OS9: variants seen among roughly 807,000 people sequenced by gnomAD.
OS9 encodes the protein OS9 endoplasmic reticulum lectin.
A neutral mutation model predicts 84.7 loss-of-function variants in OS9; 58 were observed. The observed-to-expected ratio is 0.68, with a 90% CI of 0.55 to 0.85. The LOEUF (loss-of-function observed/expected upper bound fraction) is 0.85. Among genes scored for constraint, OS9 ranks in the 40% least tolerant of loss-of-function variants. OS9 has a pLI of 0.00. For synonymous variants in OS9, 278 were observed against 320.8 expected, an observed-to-expected ratio of 0.87 and a Z score of 1.43; for missense variants, 760 against 850.9, an observed-to-expected ratio of 0.89 and a Z score of 1.33.
Position 57,694,182 on chromosome 12 carries a change from G to T in OS9, c.21G>T (p.Leu7=). 6.2e-7 allele frequency: 1 copy of T among 1,614,206 alleles called. No individual in the cohort carries two copies. Among genetic ancestry groups the T allele is most frequent in the Non-Finnish European group, 8.5e-7 (1 of 1,180,036 alleles). MAAETL[L]SSLLGLLLLG... is the part of the protein sequence containing the mutation. ...GAAAGATGGCGGCGGAAACGCTGCT[G>T]TCCAGTTTGTTAGGACTGCTGCTTC... Residue 7 remains leucine (L), a synonymous_variant, in exon 1 of 15, where the codon CTG becomes CTT. Transcript: ENST00000315970.
chr12:57,705,969 C>G (rs988870274), intron 5 of OS9, among the ~76,000 whole-genome samples: 2 of 152,170 alleles, frequency 1.3e-5, no homozygotes, highest in African/African-American at 4.8e-5. Context: ...ATAATTATGT[C>G]ATCTGCAAGA....
intron 5 of OS9, among the ~76,000 whole-genome samples, chr12:57,697,965 A>ACC (rs1555192688): frequency 5.4e-5 from 8 of 147,862 alleles, no homozygotes; most frequent in Admixed American, 4.1e-4. Flanking sequence ...ACACACACAC[A>ACC]CCCTATTGCT....
At chr12:57,700,204 TGA>T (rs1016380769) in intron 5 of OS9, among the ~76,000 whole-genome samples, 5 of 150,298 alleles carry the variant, frequency 3.3e-5, no homozygotes, top group African/African-American at 7.3e-5. Flanking sequence ...GCTGGGGGGT[TGA>T]GAGAGGGGGC....
At chr12:57,697,924 T>TACACACACACAC (rs61407014) in intron 5 of OS9, among the ~76,000 whole-genome samples, 20 of 91,602 alleles carry the variant, frequency 2.2e-4, no homozygotes, top group South Asian at 9.0e-4. Flanking sequence ...CACACACACA[T>TACACACACACAC]ACACACACAC....
rs1324156327 is a variant in OS9 at position 57,697,931 on chromosome 12, A to AAG, written c.579+1558_579+1559insAG. The stretch of plus-strand genomic sequence containing the variant: ...CAAACACACACACACACATACACAC[A>AAG]CACACACACACACACACACACACAC... On this transcript the variant is annotated intron_variant, in intron 5 of 14. Transcript: ENST00000315970. Among the ~76,000 whole-genome samples, 103 of 75,974 alleles carry AAG rather than the reference A, an allele frequency of 1.4e-3. 1 individual carries two copies. The highest frequency in any genetic ancestry group is 2.3e-3 in the Non-Finnish European group (71 of 30,592). The allele number at this position is 75,974 out of a possible 152,430, so 49.8% of individuals were successfully genotyped here. A position where few individuals can be genotyped will look rare whatever the true frequency, so the allele number is the denominator to read the frequency against.
At chr12:57,696,449 AGT>A in intron 5 of OS9, 76 bp downstream of exon 5, 2 of 243,040 alleles carry the variant, frequency 8.2e-6, no homozygotes, top group Non-Finnish European at 7.1e-6. Context: ...TGCATCTTAT[AGT>A]CGGGGCGGGG....
intron 5 of OS9, among the ~76,000 whole-genome samples, chr12:57,713,001 T>C (rs2140322540): frequency 6.6e-6 from 1 of 152,314 alleles, no homozygotes; most frequent in East Asian, 1.9e-4. Flanking sequence ...TTCCATAGTT[T>C]AGTCCAGTTA....
chr12:57,694,747 C>T lies in OS9; in HGVS notation c.163-3C>T, dbSNP rs1362832762. 1.2e-6 allele frequency: 2 copies of T among 1,613,322 alleles called. No individual in the cohort carries two copies. Among genetic ancestry groups the T allele is most frequent in the Non-Finnish European group, 1.7e-6 (2 of 1,179,900 alleles). On this transcript the variant is annotated splice_region_variant and splice_polypyrimidine_tract_variant and intron_variant, in intron 1 of 14. Coordinates refer to ENST00000315970, the MANE Select transcript of OS9 (RefSeq NM_006812.4). ...TGCCCCCCGACCCTCCCTTCTTTCC[C>T]AGAGCCAATCTTCGGACGTGGTGAT...
chr12:57,709,601 C>T (rs1374167065), intron 5 of OS9, among the ~76,000 whole-genome samples: 2 of 152,142 alleles, frequency 1.3e-5, no homozygotes, highest in Non-Finnish European at 2.9e-5. Context: ...GTTCAAGATG[C>T]TCACCGTATT....
At position 57,714,103 on chromosome 12, in the gene OS9, T is replaced by A. The variant is rs1400688821; in HGVS notation, c.580-1657T>A. On this transcript the variant is annotated intron_variant, in intron 5 of 14. Coordinates refer to ENST00000315970, the MANE Select transcript of OS9 (RefSeq NM_006812.4). Reference sequence around the variant, plus strand: ...GCCTGGGTGACACAGTGAGACCCTGTCTGAAAAAAAAAAAAAGATTTAGTA... The same window carrying A: ...GCCTGGGTGACACAGTGAGACCCTGACTGAAAAAAAAAAAAAGATTTAGTA... 4.6e-5 allele frequency among the ~76,000 whole-genome samples: 7 copies of A among 150,924 alleles called. No homozygotes were observed. The South Asian group carries it at 1.3e-3, about 27-fold the overall frequency.
chr12:57,695,324 T>C (rs1953792472), intron 2 of OS9, among the ~76,000 whole-genome samples: 1 of 152,252 alleles, frequency 6.6e-6, no homozygotes, highest in Admixed American at 6.5e-5. Context: ...ATTTTCGGTC[T>C]GATTCCCCGC....
chr12:57,716,322 A>T, intron 7 of OS9, 90 bp from the exon 8 acceptor site: 3 of 1,171,252 alleles, frequency 2.6e-6, no homozygotes, highest in South Asian at 1.3e-5. Context: ...TCCCTTGGTG[A>T]TAGAGGAGGG....
chr12:57,698,143 C>T (rs775222073), intron 5 of OS9, among the ~76,000 whole-genome samples: 7 of 152,146 alleles, frequency 4.6e-5, no homozygotes, highest in Non-Finnish European at 8.8e-5. Context: ...TGGAACAGTG[C>T]TTCACTCAAA....
chr12:57,700,473 G>A (rs1953988943), intron 5 of OS9, among the ~76,000 whole-genome samples: 1 of 152,024 alleles, frequency 6.6e-6, no homozygotes. Context: ...ATTCCTGTCT[G>A]GTTGCTTCTA....
At chr12:57,719,290 C>T (rs1793609456) in intron 12 of OS9, 108 bp downstream of exon 12, 1 of 868,658 alleles carries the variant, frequency 1.2e-6, no homozygotes, top group Non-Finnish European at 1.8e-6. Context: ...GGTGCTCATT[C>T]TCTCCCCACT....
At chr12:57,699,710 T>G (rs1460158636) in intron 5 of OS9, among the ~76,000 whole-genome samples, 2 of 152,266 alleles carry the variant, frequency 1.3e-5, no homozygotes, top group South Asian at 2.1e-4. Flanking sequence ...GACCAGTCCT[T>G]TGGTTGGACT....
rs780663447 is a variant in OS9, at chr12:57,720,176, C to T, written c.1678C>T (p.Leu560Phe). ...AGGCCCTAATCAGGATCTGACTGTCCTCGAGATGAAACGGGAAAACCCACA... is the reference window on the plus strand; with the variant it reads ...AGGCCCTAATCAGGATCTGACTGTCTTCGAGATGAAACGGGAAAACCCACA... ...LGGPNQDLTV[L>F]EMKRENPQLK... The change falls in exon 13 of 15, where the codon CTC (leucine) becomes TTC (phenylalanine). Residue 560 changes from leucine to phenylalanine, a missense_variant. Transcript: ENST00000315970. 9.9e-6 allele frequency: 16 copies of T among 1,614,232 alleles called. No individual in the cohort carries two copies. The highest frequency in any genetic ancestry group is 1.4e-5 in the Non-Finnish European group (16 of 1,180,036).
At chr12:57,716,279 T>TGGGGGGGGG (rs141328077) in intron 7 of OS9, 86 bp downstream of exon 7, 10 of 511,550 alleles carry the variant, frequency 2.0e-5, no homozygotes, top group Admixed American at 3.1e-5. Flanking sequence ...ACTGGTGGGG[T>TGGGGGGGGG]GGGGGGGGGT....
intron 5 of OS9, among the ~76,000 whole-genome samples, chr12:57,711,190 G>A (rs988449869): frequency 2.6e-5 from 4 of 151,720 alleles, no homozygotes; most frequent in East Asian, 1.9e-4. Flanking sequence ...GCCTTTTTGT[G>A]TGATTACAAA....
Sources: gnomAD v4.1 joint callset for allele counts (sites outside exome capture counted in the v4.1 genomes callset) on GRCh38, gnomAD v4.1.1 for gene constraint, MANE v1.5 for transcripts, NCBI Gene and HGNC (gene_info 2026-07-23, HGNC 2026-07-21) for gene names.